Variants in PDE8B observed in about 807,000 individuals in gnomAD.
PDE8B encodes the protein phosphodiesterase 8B.
Under a neutral mutation model 101.3 loss-of-function variants are expected in PDE8B, and 26 were observed. The observed-to-expected ratio is 0.26, with a 90% CI of 0.19 to 0.36. PDE8B has a LOEUF of 0.36. Among genes scored for constraint, PDE8B ranks in the 10% least tolerant of loss-of-function variants. PDE8B has a pLI of 1.00. For missense variants in PDE8B, 810 were observed against 1,163.1 expected, an observed-to-expected ratio of 0.70 and a Z score of 4.42; for synonymous variants, 424 against 429.3, an observed-to-expected ratio of 0.99 and a Z score of 0.15.
chr5:77,275,426 T>C (rs1447147298), intron 1 of PDE8B, among the ~76,000 whole-genome samples: 5 of 152,196 alleles, frequency 3.3e-5, no homozygotes, highest in African/African-American at 1.2e-4. Context: ...ATTATCCCTT[T>C]GGTCTCATTA....
the PDE8B span, chr5:77,165,294 A>G: frequency 6.6e-6 from 1 of 152,214 alleles, no homozygotes; most frequent in Non-Finnish European, 1.5e-5. Flanking sequence ...TGCCTGTATA[A>G]TTTAATTTTT....
chr5:77,240,873 G>A (rs1032871983), intron 1 of PDE8B, among the ~76,000 whole-genome samples: 1 of 152,188 alleles, frequency 6.6e-6, no homozygotes, highest in African/African-American at 2.4e-5. Flanking sequence ...GGGATAAAAT[G>A]TTGAATTAAC....
Position 77,418,259 on chromosome 5 carries a change from G to T in PDE8B, c.1942G>T (p.Ala648Ser). The change falls in exon 18 of 22, where the codon GCC becomes TCC. Residue 648 changes from alanine (A) to serine (S), a missense_variant. Coordinates refer to ENST00000264917, the MANE Select transcript of PDE8B (RefSeq NM_003719.5). Reference protein sequence around the residue: ...GSLDQLDEVAALIAATVHDVD... With the variant: ...GSLDQLDEVASLIAATVHDVD... ...CCTCGATCAGTTGGATGAGGTGGCA[G>T]CCCTCATTGCTGCCACAGTCCATGA... The T allele has an allele frequency of 1.2e-6, 2 of 1,613,366 alleles. No individual in the cohort carries two copies. Among genetic ancestry groups the T allele is most frequent in the Non-Finnish European group, 1.7e-6 (2 of 1,179,278 alleles).
intron 1 of PDE8B, among the ~76,000 whole-genome samples, chr5:77,235,533 T>C (rs1045190264): frequency 1.1e-4 from 16 of 152,226 alleles, no homozygotes; most frequent in African/African-American, 3.6e-4. Context: ...CAAGTAAATG[T>C]TGAGTGCCTA....
chr5:77,199,258 C>T, the PDE8B span, among the ~76,000 whole-genome samples: 9 of 152,148 alleles, frequency 5.9e-5, no homozygotes, highest in South Asian at 2.1e-4. Context: ...CCATCTGAAT[C>T]GTACGAGTAT....
chr5:77,243,031 T>C (rs1473159580), intron 1 of PDE8B, among the ~76,000 whole-genome samples: 2 of 152,200 alleles, frequency 1.3e-5, no homozygotes, highest in Non-Finnish European at 2.9e-5. Flanking sequence ...ATAATACCAA[T>C]CAATTATACT....
At chr5:77,333,766 A>G (rs571960191) in intron 5 of PDE8B, among the ~76,000 whole-genome samples, 1 of 152,354 alleles carries the variant, frequency 6.6e-6, no homozygotes, top group Non-Finnish European at 1.5e-5. Context: ...CCAAAGTTCC[A>G]TTGTTTCCTT....
the PDE8B span, among the ~76,000 whole-genome samples, chr5:77,142,471 A>G: frequency 6.6e-6 from 1 of 152,280 alleles, no homozygotes; most frequent in East Asian, 1.9e-4. Context: ...TGCTTAAACA[A>G]TTTGTTTTCT....
chr5:77,133,626 G>A, the PDE8B span, among the ~76,000 whole-genome samples: 1 of 152,178 alleles, frequency 6.6e-6, no homozygotes, highest in Non-Finnish European at 1.5e-5. Context: ...GTTTTGCAGG[G>A]ATGAGACATT....
the PDE8B span, among the ~76,000 whole-genome samples, chr5:77,127,057 A>G: frequency 6.6e-6 from 1 of 152,126 alleles, no homozygotes; most frequent in African/African-American, 2.4e-5. Flanking sequence ...CAATAAATTC[A>G]CCATTATCCA....
the PDE8B span, among the ~76,000 whole-genome samples, chr5:77,164,728 G>T: frequency 1.1e-4 from 17 of 152,290 alleles, 1 homozygote; most frequent in East Asian, 2.5e-3. Context: ...AGAAGGTGTT[G>T]TCTATGGAAG....
Position 77,210,752 on chromosome 5 carries a change from C to T in PDE8B, c.-174C>T, listed in dbSNP as rs1231288484. 5.1e-6 allele frequency: 5 copies of T among 981,912 alleles called. No individual in the cohort carries two copies. The highest frequency in any genetic ancestry group is 6.0e-6 in the Non-Finnish European group (5 of 829,080). The allele number at this position is 981,912 out of a possible 1,614,324, so 60.8% of individuals were successfully genotyped here. A position where few individuals can be genotyped will look rare whatever the true frequency, so the allele number is the denominator to read the frequency against. ...AAGTTGGGGTGACGCGCGCGGTCCC[C>T]GGAGGCTCGGCGGGGGGCACCGCGG... On this transcript the variant is annotated 5_prime_UTR_variant, in exon 1 of 22. Transcript: ENST00000264917. This position sits in a 1 kb window ranked among gnomAD's most constrained non-coding sequence, Gnocchi z 4.9.
At chr5:77,372,707 G>A (rs1785275732) in intron 10 of PDE8B, among the ~76,000 whole-genome samples, 1 of 152,204 alleles carries the variant, frequency 6.6e-6, no homozygotes, top group Non-Finnish European at 1.5e-5. Context: ...TTTGGCAAAA[G>A]TGGATCATAA....
At chr5:77,367,154 AACACACACAC>A (rs71736838) in intron 10 of PDE8B, among the ~76,000 whole-genome samples, 3 of 144,934 alleles carry the variant, frequency 2.1e-5, no homozygotes, top group South Asian at 4.9e-4. Context: ...GTTTTCTCAA[AACACACACAC>A]ACACACACAC....
chr5:77,149,579 T>C, the PDE8B span, among the ~76,000 whole-genome samples: 8 of 152,320 alleles, frequency 5.3e-5, no homozygotes, highest in East Asian at 1.3e-3. Flanking sequence ...GTCTTAAACT[T>C]TTATTACATT....
the PDE8B span, among the ~76,000 whole-genome samples, chr5:77,191,164 G>T: frequency 9.9e-5 from 15 of 152,174 alleles, no homozygotes; most frequent in East Asian, 2.7e-3. Flanking sequence ...TTGGATTAGG[G>T]TCCCACCTTT....
intron 1 of PDE8B, among the ~76,000 whole-genome samples, chr5:77,292,624 G>GGC (rs1263670441): frequency 6.6e-6 from 1 of 152,184 alleles, no homozygotes; most frequent in Non-Finnish European, 1.5e-5. Flanking sequence ...TTGCCAGAGA[G>GGC]GCTGAGCATT....
chr5:77,239,621 T>C (rs560441750), intron 1 of PDE8B, among the ~76,000 whole-genome samples: 156 of 152,340 alleles, frequency 1.0e-3, no homozygotes, highest in African/African-American at 3.2e-3. Context: ...GAAAATAACA[T>C]CTAACCTTTC....
Position 77,287,620 on chromosome 5 carries a change from G to A in PDE8B, c.340-24374G>A, listed in dbSNP as rs1158149442. On this transcript the variant is annotated intron_variant, in intron 1 of 21. Coordinates refer to ENST00000264917, the MANE Select transcript of PDE8B (RefSeq NM_003719.5). ...GACACCTTTTCTCTGTGTCCTGGATGCCTCTCACATTCTTCTTATATTTGC... is the reference window on the plus strand; with the variant it reads ...GACACCTTTTCTCTGTGTCCTGGATACCTCTCACATTCTTCTTATATTTGC... 2.0e-5 allele frequency among the ~76,000 whole-genome samples: 3 copies of A among 152,022 alleles called. No homozygotes were observed. In the South Asian group the frequency reaches 6.2e-4, roughly 32 times the overall value.
Sources: allele counts gnomAD v4.1 joint callset (sites outside exome capture counted in the v4.1 genomes callset), GRCh38; gene constraint gnomAD v4.1.1; non-coding constraint Gnocchi (gnomAD v3.1); transcripts MANE v1.5; gene names NCBI Gene and HGNC (gene_info 2026-07-23, HGNC 2026-07-21).